The following FAM76B variants were observed in gnomAD, a reference collection of about 807,000 sequenced individuals.
The protein encoded by FAM76B is family with sequence similarity 76 member B, also known as protein FAM76B.
Under a neutral mutation model 51.8 loss-of-function variants are expected in FAM76B, and 16 were observed. The observed-to-expected ratio is 0.31, with a 90% CI of 0.21 to 0.47. The LOEUF (loss-of-function observed/expected upper bound fraction) is 0.47, where lower values mean the gene tolerates loss of function less well. Among genes scored for constraint, FAM76B ranks in the 20% least tolerant of loss-of-function variants. The pLI, the probability that FAM76B is intolerant of heterozygous loss-of-function variation, is 1.00. For missense variants in FAM76B, 342 were observed against 392.6 expected, an observed-to-expected ratio of 0.87 and a Z score of 1.09; for synonymous variants, 166 against 129.5, an observed-to-expected ratio of 1.28 and a Z score of -1.91.
chr11:95,788,191 A>G (rs1860709844), intron 2 of FAM76B, among the ~76,000 whole-genome samples: 2 of 152,204 alleles, frequency 1.3e-5, no homozygotes, highest in South Asian at 4.1e-4. Flanking sequence ...CCTCAGATCC[A>G]TTAAGGCTTT....
Position 95,770,094 on chromosome 11 carries a change from T to C in FAM76B, c.*1467A>G, listed in dbSNP as rs1012160745. 1 of 151,540 alleles carries C rather than the reference T, an allele frequency of 6.6e-6. No individual in the cohort carries two copies. Among genetic ancestry groups the C allele is most frequent in the African/African-American group, 2.4e-5 (1 of 41,384 alleles). The allele number at this position is 151,540 out of a possible 1,614,324, so 9.4% of individuals were successfully genotyped here. ...CATGAAGCAAATTTATCTTTGCCCA[T>C]AAATTATTAAGAGAAGCAACTCACT... On this transcript the variant is annotated 3_prime_UTR_variant, in exon 10 of 10. Coordinates refer to ENST00000358780, the MANE Select transcript of FAM76B (RefSeq NM_144664.5).
At chr11:95,787,320 G>A (rs550579671) in intron 3 of FAM76B, among the ~76,000 whole-genome samples, 90 of 151,812 alleles carry the variant, frequency 5.9e-4, no homozygotes, top group Middle Eastern at 3.4e-3. Flanking sequence ...TGCAAACTCC[G>A]CCTCCTGAGT....
intron 9 of FAM76B, among the ~76,000 whole-genome samples, chr11:95,774,056 C>T (rs992917885): frequency 1.3e-5 from 2 of 151,258 alleles, no homozygotes; most frequent in Non-Finnish European, 3.0e-5. Flanking sequence ...AAAGATGGCA[C>T]TCAGCTATGA....
At position 95,786,336 on chromosome 11, in the gene FAM76B, C is replaced by G; in HGVS notation, c.208-62G>C. The G allele has an allele frequency of 1.9e-6, 3 of 1,552,522 alleles. No individual in the cohort carries two copies. In the South Asian group the frequency reaches 3.6e-5, roughly 19 times the overall value. On this transcript the variant is annotated intron_variant, in intron 3 of 9. Transcript: ENST00000358780. ...TTAAATATTTGCGGCATAGCATATA[C>G]CCAGTGTTGTAGACATATTTCTGGA...
chr11:95,781,863 C>A (rs997319971), intron 5 of FAM76B, among the ~76,000 whole-genome samples: 3 of 152,112 alleles, frequency 2.0e-5, no homozygotes, highest in African/African-American at 7.2e-5. Context: ...CTAACCTCAA[C>A]GTAACCTCAT....
chr11:95,785,973 T>G (rs937098798), intron 4 of FAM76B, 146 bp downstream of exon 4: 1 of 910,844 alleles, frequency 1.1e-6, no homozygotes, highest in Admixed American at 2.9e-5. Flanking sequence ...AAGAGAAAAC[T>G]CACTATTCCT....
intron 2 of FAM76B, among the ~76,000 whole-genome samples, chr11:95,788,298 A>T (rs1186380427): frequency 1.3e-5 from 2 of 152,184 alleles, no homozygotes; most frequent in African/African-American, 4.8e-5. Context: ...TCTCATATAA[A>T]GTCTAACTGT....
intron 1 of FAM76B, chr11:95,789,041 GGACA>G (rs1565300087): frequency 1.4e-6 from 2 of 1,380,618 alleles, no homozygotes; most frequent in East Asian, 3.7e-5. Flanking sequence ...TGGAAGAAGA[GGACA>G]GACCAGGCAG....
chr11:95,779,961 T>G, intron 5 of FAM76B, 35 bp from the exon 6 acceptor site: 1 of 1,545,372 alleles, frequency 6.5e-7, no homozygotes, highest in Non-Finnish European at 8.8e-7. Context: ...AATAATGACA[T>G]TTATTTATTT....
chr11:95,782,393 T>C (rs913638740), intron 5 of FAM76B, among the ~76,000 whole-genome samples: 5 of 152,228 alleles, frequency 3.3e-5, no homozygotes, highest in African/African-American at 9.6e-5. Flanking sequence ...AGGCCAACTT[T>C]TCCTATAGGC....
At chr11:95,788,156 G>A (rs558758625) in intron 2 of FAM76B, among the ~76,000 whole-genome samples, 5 of 152,150 alleles carry the variant, frequency 3.3e-5, no homozygotes, top group Non-Finnish European at 1.5e-5. Flanking sequence ...ACCTTGGAAG[G>A]CAGTTGGTAA....
rs922853280 is a variant in FAM76B at position 95,770,227 on chromosome 11, G to C, written c.*1334C>G. ...CTGAAAACCGCTGGATCAGAATATA[G>C]TCAATAACTTCATATAACCTATCCC... On this transcript the variant is annotated 3_prime_UTR_variant, in exon 10 of 10. Coordinates refer to ENST00000358780, the MANE Select transcript of FAM76B (RefSeq NM_144664.5). 6.6e-6 allele frequency: 1 copy of C among 151,796 alleles called. No individual in the cohort carries two copies. Among genetic ancestry groups the C allele is most frequent in the Non-Finnish European group, 1.5e-5 (1 of 67,520 alleles). 9.4% of individuals were successfully genotyped at this position (151,796 alleles called of 1,614,324 possible).
Position 95,789,588 on chromosome 11 carries a change from C to G in FAM76B, c.-110G>C, listed in dbSNP as rs1860880544. ...GCGGGCTCCTCCTCCTCCCCCTCCC[C>G]CTGCCTCGCGCCCACCAGGGCCTCG... On this transcript the variant is annotated 5_prime_UTR_variant, in exon 1 of 10. Transcript: ENST00000358780. 6.4e-6 allele frequency: 6 copies of G among 942,370 alleles called. No individual in the cohort carries two copies. Among genetic ancestry groups the G allele is most frequent in the Non-Finnish European group, 7.7e-6 (5 of 648,654 alleles). 58.4% of individuals were successfully genotyped at this position (942,370 alleles called of 1,614,324 possible). A position where few individuals can be genotyped will look rare whatever the true frequency, so the allele number is the denominator to read the frequency against.
chr11:95,784,466 G>A (rs1358190560), intron 4 of FAM76B, among the ~76,000 whole-genome samples: 1 of 151,974 alleles, frequency 6.6e-6, no homozygotes, highest in Non-Finnish European at 1.5e-5. Context: ...GCTGTGATGT[G>A]TCTTAAAGAG....
intron 7 of FAM76B, chr11:95,779,185 T>G: frequency 6.5e-7 from 1 of 1,531,106 alleles, no homozygotes; most frequent in Non-Finnish European, 8.8e-7. Flanking sequence ...ATACTTCTAG[T>G]GTAAAGCAAT....
intron 3 of FAM76B, 149 bp from the exon 4 acceptor site, chr11:95,786,423 T>C (rs1860592386): frequency 5.5e-6 from 4 of 720,728 alleles, no homozygotes; most frequent in Admixed American, 6.1e-5. Context: ...TCACATGCAA[T>C]AACTTTTATA....
chr11:95,786,366 A>G, intron 3 of FAM76B, 92 bp from the exon 4 acceptor site: 5 of 1,427,448 alleles, frequency 3.5e-6, no homozygotes, highest in Non-Finnish European at 3.7e-6. Flanking sequence ...TCTGGAATTA[A>G]GAAAACTCAG....
At chr11:95,779,501 T>C in intron 7 of FAM76B, 106 bp downstream of exon 7, 1 of 990,828 alleles carries the variant, frequency 1.0e-6, no homozygotes, top group Non-Finnish European at 1.5e-6. Context: ...CTCAAGTCAA[T>C]GTAGAAAATA....
chr11:95,780,072 T>C, intron 5 of FAM76B, 146 bp from the exon 6 acceptor site: 1 of 630,776 alleles, frequency 1.6e-6, no homozygotes, highest in Non-Finnish European at 2.6e-6. Context: ...ACTAAGCTAA[T>C]ACATATTGAA....
Sources: allele counts gnomAD v4.1 joint callset (sites outside exome capture counted in the v4.1 genomes callset), GRCh38; gene constraint gnomAD v4.1.1; transcripts MANE v1.5; gene names NCBI Gene and HGNC (gene_info 2026-07-23, HGNC 2026-07-21).